Variants in TP63 observed in about 807,000 individuals in gnomAD.
TP63 encodes tumor protein p63.
A neutral mutation model predicts 82.8 loss-of-function variants in TP63; 17 were observed. The observed-to-expected ratio is 0.21, with a 90% CI of 0.14 to 0.31. The LOEUF (loss-of-function observed/expected upper bound fraction) is 0.31, where lower values mean the gene tolerates loss of function less well. Among genes scored for constraint, TP63 ranks in the 10% least tolerant of loss-of-function variants. The pLI is 1.00. For missense variants in TP63, 648 were observed against 895.3 expected, an observed-to-expected ratio of 0.72 and a Z score of 3.52; for synonymous variants, 330 against 321.7, an observed-to-expected ratio of 1.03 and a Z score of -0.28.
intron 4 of TP63, among the ~76,000 whole-genome samples, chr3:189,863,019 AGC>A (rs1717227942): frequency 6.6e-6 from 1 of 152,262 alleles, no homozygotes; most frequent in African/African-American, 2.4e-5. Flanking sequence ...GAAGAAATAA[AGC>A]AACATTTTAA....
intron 4 of TP63, among the ~76,000 whole-genome samples, chr3:189,837,594 C>A (rs1355610641): frequency 1.4e-5 from 2 of 146,206 alleles, no homozygotes. Flanking sequence ...TTCAAATAAA[C>A]CATGAAAAAA....
chr3:189,774,096 G>A (rs1043984381), intron 3 of TP63, among the ~76,000 whole-genome samples: 2 of 151,660 alleles, frequency 1.3e-5, no homozygotes, highest in Non-Finnish European at 2.9e-5. Context: ...CTAATTTTTT[G>A]TATTTTTAGT....
At chr3:189,852,648 A>G (rs1051336699) in intron 4 of TP63, among the ~76,000 whole-genome samples, 1 of 152,116 alleles carries the variant, frequency 6.6e-6, no homozygotes, top group Non-Finnish European at 1.5e-5. Context: ...GGTTTCCCCA[A>G]TTTTACTTTG....
intron 1 of TP63, among the ~76,000 whole-genome samples, chr3:189,638,480 G>C (rs1711531438): frequency 6.6e-6 from 1 of 152,058 alleles, no homozygotes; most frequent in Non-Finnish European, 1.5e-5. Context: ...AATTGAAACA[G>C]TGATTCTTAT....
chr3:189,840,390 A>C (rs1441980839), intron 4 of TP63, among the ~76,000 whole-genome samples: 15 of 64,680 alleles, frequency 2.3e-4, no homozygotes, highest in Non-Finnish European at 1.9e-4. Flanking sequence ...TTTTTTTTAC[A>C]AATTCTTTTA....
chr3:189,656,123 G>GAAAGAA (rs1301235653), intron 1 of TP63, among the ~76,000 whole-genome samples: 1 of 152,104 alleles, frequency 6.6e-6, no homozygotes, highest in Non-Finnish European at 1.5e-5. Flanking sequence ...TAATTGGCCT[G>GAAAGAA]AAAGAAAACT....
intron 3 of TP63, chr3:189,739,029 C>T (rs1720794295): frequency 1.9e-6 from 1 of 527,678 alleles, no homozygotes; most frequent in Admixed American, 3.2e-5. Context: ...TTGATTGTTC[C>T]TCATGTCAAC....
intron 10 of TP63, chr3:189,880,231 G>A: frequency 6.3e-7 from 1 of 1,589,874 alleles, no homozygotes; most frequent in East Asian, 2.2e-5. Flanking sequence ...GTGTATATGT[G>A]AGTGTGTGTG....
the TP63 span, among the ~76,000 whole-genome samples, chr3:189,625,708 C>G: frequency 6.6e-6 from 1 of 152,086 alleles, no homozygotes; most frequent in South Asian, 2.1e-4. Flanking sequence ...AAAAAAAAAT[C>G]TGGGGAATGC....
intron 1 of TP63, among the ~76,000 whole-genome samples, chr3:189,632,266 T>G (rs1461642058): frequency 6.6e-6 from 1 of 152,114 alleles, no homozygotes; most frequent in Non-Finnish European, 1.5e-5. Flanking sequence ...AAGTCATATG[T>G]AGCAATGTGA....
At chr3:189,868,457 G>A (rs1016964070) in intron 7 of TP63, 123 bp from the exon 8 acceptor site, 138 of 1,446,252 alleles carry the variant, frequency 9.5e-5, no homozygotes, top group South Asian at 1.7e-4. Context: ...TCTCAAAGCC[G>A]CCATGGCTAA....
At chr3:189,597,309 C>G in the TP63 span, among the ~76,000 whole-genome samples, 1 of 152,314 alleles carries the variant, frequency 6.6e-6, no homozygotes. Flanking sequence ...AGAGTAAGGA[C>G]TATGCCTCCA....
chr3:189,629,793 G>T (rs1202372989), upstream of TP63, among the ~76,000 whole-genome samples: 1 of 152,142 alleles, frequency 6.6e-6, no homozygotes, highest in Admixed American at 6.5e-5. Flanking sequence ...GAATCACTTG[G>T]CTGTGGTCAC....
At chr3:189,864,494 C>T in intron 5 of TP63, 76 bp downstream of exon 5, 1 of 1,478,736 alleles carries the variant, frequency 6.8e-7, no homozygotes, top group Non-Finnish European at 9.1e-7. Context: ...GTTTGAGACC[C>T]ACCTACCTGA....
intron 3 of TP63, among the ~76,000 whole-genome samples, chr3:189,788,489 T>C (rs1342061624): frequency 6.7e-6 from 1 of 148,544 alleles, no homozygotes; most frequent in African/African-American, 2.5e-5. Context: ...TTGTGTCTTC[T>C]AAATTTTAGA....
At chr3:189,849,630 G>A (rs888977642) in intron 4 of TP63, among the ~76,000 whole-genome samples, 11 of 151,808 alleles carry the variant, frequency 7.2e-5, no homozygotes, top group African/African-American at 2.4e-4. Flanking sequence ...CTCTCCTTTT[G>A]CTTTTTTTTC....
chr3:189,888,467 C>G (rs963673869), intron 11 of TP63, among the ~76,000 whole-genome samples: 2 of 152,018 alleles, frequency 1.3e-5, no homozygotes, highest in African/African-American at 4.8e-5. Context: ...CTTATTTGTA[C>G]TTTACAATTA....
the TP63 span, among the ~76,000 whole-genome samples, chr3:189,602,432 G>C: frequency 6.6e-6 from 1 of 152,300 alleles, no homozygotes; most frequent in Admixed American, 6.5e-5. Flanking sequence ...ATGTGTTGAA[G>C]AAAGAGTGCA....
At chr3:189,689,123 T>TTTTTTTTTTTTTTTTTTC (rs1716703812) in intron 1 of TP63, among the ~76,000 whole-genome samples, 1 of 113,536 alleles carries the variant, frequency 8.8e-6, no homozygotes, top group Non-Finnish European at 1.8e-5. Context: ...TTTTTTTTTT[T>TTTTTTTTTTTTTTTTTTC]TTTTTTTTTT....
Sources: allele counts gnomAD v4.1 joint callset (sites outside exome capture counted in the v4.1 genomes callset), GRCh38; gene constraint gnomAD v4.1.1; transcripts MANE v1.5; gene names NCBI Gene and HGNC (gene_info 2026-07-23, HGNC 2026-07-21).